The following JAKMIP1 variants were observed in gnomAD, a reference collection of about 807,000 sequenced individuals.
JAKMIP1 encodes janus kinase and microtubule-interacting protein 1.
JAKMIP1 carries 33 observed loss-of-function variants against 113.0 expected under a neutral mutation model. The ratio of observed to expected loss-of-function variants is 0.29; its 90% CI spans 0.22 to 0.39. The LOEUF (loss-of-function observed/expected upper bound fraction) is 0.39. Ranked by LOEUF, JAKMIP1 falls within the 10% of genes least tolerant of loss-of-function variation. The pLI, the probability that JAKMIP1 is intolerant of heterozygous loss-of-function variation, is 1.00. For synonymous variants in JAKMIP1, 480 were observed against 459.9 expected (o/e 1.04, Z -0.56); for missense variants, 813 against 1,080.5 (o/e 0.75, Z 3.47).
At chr4:6,170,302 C>T (rs1356990082) in intron 1 of JAKMIP1, among the ~76,000 whole-genome samples, 3 of 148,524 alleles carry the variant, frequency 2.0e-5, no homozygotes, top group Non-Finnish European at 3.0e-5. Flanking sequence ...CTGTCAACAC[C>T]ATCATAACCC....
chr4:6,047,336 G>A (rs1248575358), intron 16 of JAKMIP1, among the ~76,000 whole-genome samples: 8 of 152,250 alleles, frequency 5.3e-5, no homozygotes, highest in African/African-American at 1.9e-4. Flanking sequence ...TGAGTCATAA[G>A]TGTTTAATCA....
At chr4:6,074,149 T>G (rs1719364887) in intron 8 of JAKMIP1, among the ~76,000 whole-genome samples, 1 of 152,226 alleles carries the variant, frequency 6.6e-6, no homozygotes, top group Non-Finnish European at 1.5e-5. Context: ...AGGGGACTGT[T>G]GGATAGGCCC....
intron 12 of JAKMIP1, 33 bp downstream of exon 12, chr4:6,056,664 G>A (rs747983243): frequency 9.5e-6 from 15 of 1,582,290 alleles, no homozygotes; most frequent in Admixed American, 5.0e-5. Context: ...ACTGCCCTGC[G>A]GCTGTGTGCT....
rs1292768220 is a variant in JAKMIP1 at position 6,081,020 on chromosome 4, T to A, written c.1101+589A>T. Among the ~76,000 whole-genome samples the A allele has an allele frequency of 1.9e-5, 1 of 53,672 alleles. No homozygotes were observed. The highest frequency in any genetic ancestry group is 1.1e-4 in the African/African-American group (1 of 9,198). 35.2% of individuals were successfully genotyped at this position (53,672 alleles called of 152,430 possible). The stretch of plus-strand genomic sequence containing the variant: ...ACACACACACACACACACACCTGCA[T>A]CTGCTACAGTGCAGACAGCAGAGCA... On this transcript the variant is annotated intron_variant, in intron 6 of 20. Coordinates refer to ENST00000409021, the MANE Select transcript of JAKMIP1 (RefSeq NM_001099433.2). The surrounding 1 kb of genome is among the most constrained non-coding windows in gnomAD (Gnocchi z 4.6).
At position 6,137,180 on chromosome 4, in the gene JAKMIP1, G is replaced by A. The variant is rs1352417488; in HGVS notation, c.-147-24183C>T. On this transcript the variant is annotated intron_variant, in intron 1 of 20. Coordinates refer to ENST00000409021, the MANE Select transcript of JAKMIP1 (RefSeq NM_001099433.2). The surrounding 1 kb of genome is among the most constrained non-coding windows in gnomAD (Gnocchi z 4.5). ...TTGCCTTGCAGAGCCTCCCCCATAG[G>A]GCTTGGAATCGAGCCACATGCAGCT... 6.6e-6 allele frequency among the ~76,000 whole-genome samples: 1 copy of A among 152,080 alleles called. No individual in the cohort carries two copies. The highest frequency in any genetic ancestry group is 1.5e-5 in the Non-Finnish European group (1 of 68,022).
chr4:6,084,972 A>AAG lies in JAKMIP1; in HGVS notation c.835-8_835-7insCT. ...GCTCGTCCATATGTTGATCCTAAAA[A>AAG]AAAAAAAAAAAAAAAAAAAAAAGTC... is the stretch of plus-strand genomic sequence containing the variant. On this transcript the variant is annotated splice_region_variant and splice_polypyrimidine_tract_variant and intron_variant, in intron 4 of 20. Coordinates refer to ENST00000409021, the MANE Select transcript of JAKMIP1 (RefSeq NM_001099433.2). 1 of 1,519,348 alleles carries AAG rather than the reference A, an allele frequency of 6.6e-7. No homozygotes were observed. The highest frequency in any genetic ancestry group is 1.4e-5 in the African/African-American group (1 of 69,980). The allele number at this position is 1,519,348 out of a possible 1,614,324, so 94.1% of individuals were successfully genotyped here.
intron 1 of JAKMIP1, among the ~76,000 whole-genome samples, chr4:6,117,657 T>C (rs1217469601): frequency 6.6e-6 from 1 of 151,928 alleles, no homozygotes; most frequent in Non-Finnish European, 1.5e-5. Flanking sequence ...CTAATAAGCC[T>C]GGGAGCGCTA....
intron 8 of JAKMIP1, chr4:6,070,046 C>G (rs1329319153): frequency 5.0e-6 from 2 of 398,798 alleles, no homozygotes; most frequent in Non-Finnish European, 8.8e-6. Flanking sequence ...AACCCCGAAC[C>G]AGCTGCCTAC....
chr4:6,155,989 T>C lies in JAKMIP1; in HGVS notation c.-147-42992A>G, dbSNP rs1217120628. 6.6e-6 allele frequency among the ~76,000 whole-genome samples: 1 copy of C among 152,268 alleles called. No homozygotes were observed. Among genetic ancestry groups the C allele is most frequent in the Non-Finnish European group, 1.5e-5 (1 of 68,040 alleles). On this transcript the variant is annotated intron_variant, in intron 1 of 20. Coordinates refer to ENST00000409021, the MANE Select transcript of JAKMIP1 (RefSeq NM_001099433.2). The surrounding 1 kb of genome is among the most constrained non-coding windows in gnomAD (Gnocchi z 6.1). ...CGGAAAGGGTCAGCTCTGTGACTTCTGTCCGTGGTGGGTTCCTCAGTGCGT... is the reference window on the plus strand; with the variant it reads ...CGGAAAGGGTCAGCTCTGTGACTTCCGTCCGTGGTGGGTTCCTCAGTGCGT...
At chr4:6,029,623 G>T in intron 20 of JAKMIP1, 93 bp downstream of exon 20, 1 of 822,892 alleles carries the variant, frequency 1.2e-6, no homozygotes, top group Non-Finnish European at 2.0e-6. Context: ...GCTGGAGACA[G>T]AGTCTATGCT....
At position 6,181,706 on chromosome 4, in the gene JAKMIP1, T is replaced by C. The variant is rs1173611005; in HGVS notation, c.-148+18547A>G. ...GAGAGCAGCAGCAACGCAAGCTCCA[T>C]TCATTCATTCATTCATTCAACAGCA... On this transcript the variant is annotated intron_variant, in intron 1 of 20. Transcript: ENST00000409021. This position sits in a 1 kb window ranked among gnomAD's most constrained non-coding sequence, Gnocchi z 5.4. Among the ~76,000 whole-genome samples, 2 of 152,124 alleles carry C rather than the reference T, an allele frequency of 1.3e-5. No homozygotes were observed. Among genetic ancestry groups the C allele is most frequent in the African/African-American group, 4.8e-5 (2 of 41,408 alleles).
rs1472951842 is a variant in JAKMIP1, at chr4:6,065,723, T to C, written c.1303-715A>G. 6.6e-6 allele frequency among the ~76,000 whole-genome samples: 1 copy of C among 152,254 alleles called. No individual in the cohort carries two copies. Among genetic ancestry groups the C allele is most frequent in the Non-Finnish European group, 1.5e-5 (1 of 68,038 alleles). On this transcript the variant is annotated intron_variant, in intron 8 of 20. Transcript: ENST00000409021. The surrounding 1 kb of genome is among the most constrained non-coding windows in gnomAD (Gnocchi z 5.1). The stretch of plus-strand genomic sequence containing the variant: ...TCCAGAGGCAAATTGTAAGGCTCTA[T>C]GTGACGGCCTCTGAGTTGCCCTGCT...
chr4:6,085,938 G>A (rs73795719), intron 3 of JAKMIP1, among the ~76,000 whole-genome samples: 7,381 of 152,130 alleles, frequency 0.049, 302 homozygotes, highest in African/African-American at 0.11. Flanking sequence ...AAACACTGCC[G>A]GCCCCCAGCC....
At chr4:6,043,215 G>A (rs866425757) in intron 16 of JAKMIP1, among the ~76,000 whole-genome samples, 11 of 151,308 alleles carry the variant, frequency 7.3e-5, no homozygotes, top group Middle Eastern at 3.4e-3. Context: ...CCCAGGCCCC[G>A]CTGTAGAGTG....
chr4:6,126,424 C>T (rs558464619), intron 1 of JAKMIP1, among the ~76,000 whole-genome samples: 1 of 84,954 alleles, frequency 1.2e-5, no homozygotes, highest in East Asian at 2.2e-4. Context: ...CGTACAGAAA[C>T]ACACACACAC....
At chr4:6,057,532 T>G (rs942545674) in intron 11 of JAKMIP1, among the ~76,000 whole-genome samples, 2 of 152,128 alleles carry the variant, frequency 1.3e-5, no homozygotes, top group African/African-American at 2.4e-5. Flanking sequence ...CAGGCTTCTG[T>G]CTCCCTGGCA....
rs1471235196 is a variant in JAKMIP1, at chr4:6,199,633, G to A, written c.-148+620C>T. Reference sequence around the variant, plus strand: ...CTCGAGCCTCCTCCCCGGCGCCCACGTGGGCGGAGCAGCGCGAGGGTGTGC... The same window carrying A: ...CTCGAGCCTCCTCCCCGGCGCCCACATGGGCGGAGCAGCGCGAGGGTGTGC... On this transcript the variant is annotated intron_variant, in intron 1 of 20. Transcript: ENST00000409021. This position sits in a 1 kb window ranked among gnomAD's most constrained non-coding sequence, Gnocchi z 5.6. 6.6e-6 allele frequency among the ~76,000 whole-genome samples: 1 copy of A among 151,880 alleles called. No homozygotes were observed. Among genetic ancestry groups the A allele is most frequent in the African/African-American group, 2.4e-5 (1 of 41,410 alleles).
At chr4:6,103,123 C>G (rs1034414076) in intron 3 of JAKMIP1, among the ~76,000 whole-genome samples, 1 of 152,086 alleles carries the variant, frequency 6.6e-6, no homozygotes, top group African/African-American at 2.4e-5. Flanking sequence ...AATATTTCAT[C>G]ATTATGTATG....
rs767740204 is a variant in JAKMIP1 at position 6,108,464 on chromosome 4, G to A, written c.130-2497C>T. ...GCATGCCCTGGGGGTGTGGGGGCTG[G>A]CGTGGAGAAATTATCTGAACCACCA... On this transcript the variant is annotated intron_variant, in intron 2 of 20. Transcript: ENST00000409021. The surrounding 1 kb of genome is among the most constrained non-coding windows in gnomAD (Gnocchi z 5.6). Among the ~76,000 whole-genome samples, 2 of 152,140 alleles carry A rather than the reference G, an allele frequency of 1.3e-5. No individual in the cohort carries two copies. Among genetic ancestry groups the A allele is most frequent in the Non-Finnish European group, 2.9e-5 (2 of 68,030 alleles).
Sources: allele counts gnomAD v4.1 joint callset (sites outside exome capture counted in the v4.1 genomes callset), GRCh38; gene constraint gnomAD v4.1.1; non-coding constraint Gnocchi (gnomAD v3.1); transcripts MANE v1.5; gene names NCBI Gene and HGNC (gene_info 2026-07-23, HGNC 2026-07-21).